The following PKHD1L1 variants were observed in gnomAD, a reference collection of about 807,000 sequenced individuals.
The protein encoded by PKHD1L1 is fibrocystin-L.
PKHD1L1 carries 434 observed loss-of-function variants against 462.9 expected under a neutral mutation model. The ratio of observed to expected loss-of-function variants is 0.94; its 90% CI spans 0.87 to 1.02. The LOEUF is 1.02. Ranked by LOEUF, PKHD1L1 falls within the 50% of genes least tolerant of loss-of-function variation. PKHD1L1 has a pLI of 0.00. For synonymous variants in PKHD1L1, 1,781 were observed against 1,750.0 expected, an observed-to-expected ratio of 1.02 and a Z score of -0.44; for missense variants, 5,202 against 5,096.1, an observed-to-expected ratio of 1.02 and a Z score of -0.63.
chr8:109,482,960 AAGT>A (rs750766261), intron 56 of PKHD1L1, 24 bp from the exon 57 acceptor site: 47 of 1,462,964 alleles, frequency 3.2e-5, no homozygotes, highest in Non-Finnish European at 4.1e-5. Flanking sequence ...TGGGGTGAAT[AAGT>A]AGGAGTGTGC....
intron 2 of PKHD1L1, among the ~76,000 whole-genome samples, chr8:109,376,786 G>A (rs1293612840): frequency 6.6e-6 from 1 of 152,198 alleles, no homozygotes; most frequent in Non-Finnish European, 1.5e-5. Flanking sequence ...CATTAAGATA[G>A]ATTATGGCCA....
intron 29 of PKHD1L1, 120 bp from the exon 30 acceptor site, chr8:109,436,218 G>A: frequency 9.7e-7 from 1 of 1,035,912 alleles, no homozygotes; most frequent in East Asian, 2.5e-5. Flanking sequence ...CTATTGGCCA[G>A]TACATCTCTT....
intron 48 of PKHD1L1, among the ~76,000 whole-genome samples, chr8:109,463,138 G>A (rs1019882218): frequency 6.6e-6 from 1 of 152,026 alleles, no homozygotes; most frequent in African/African-American, 2.4e-5. Context: ...GCATATAGTA[G>A]ATTCTCAGTT....
At chr8:109,376,991 A>G (rs536465132) in intron 2 of PKHD1L1, among the ~76,000 whole-genome samples, 1 of 152,328 alleles carries the variant, frequency 6.6e-6, no homozygotes, top group African/African-American at 2.4e-5. Context: ...TCTGATGAAC[A>G]TCAGGCACAA....
rs1470870818 is a variant in PKHD1L1, at chr8:109,536,251, T to C, written c.*6161T>C. 6.6e-6 allele frequency among the ~76,000 whole-genome samples: 1 copy of C among 152,234 alleles called. No individual in the cohort carries two copies. The highest frequency in any genetic ancestry group is 1.5e-5 in the Non-Finnish European group (1 of 68,040). On this transcript the variant is annotated 3_prime_UTR_variant, in exon 78 of 78. Transcript: ENST00000378402. Reference sequence around the variant, plus strand: ...ACACATTTCCACATATGGTATGATATTTAATTTGCAAAATAAATCCGTAAA... The same window carrying C: ...ACACATTTCCACATATGGTATGATACTTAATTTGCAAAATAAATCCGTAAA...
intron 2 of PKHD1L1, among the ~76,000 whole-genome samples, chr8:109,374,010 C>G (rs1282643475): frequency 6.6e-6 from 1 of 152,098 alleles, no homozygotes; most frequent in Non-Finnish European, 1.5e-5. Flanking sequence ...CTGTAGATGT[C>G]TATTAGGTCC....
At chr8:109,516,195 G>T (rs1409089652) in intron 72 of PKHD1L1, among the ~76,000 whole-genome samples, 1 of 152,044 alleles carries the variant, frequency 6.6e-6, no homozygotes, top group African/African-American at 2.4e-5. Flanking sequence ...TGAGACACAG[G>T]AAGTAATTTG....
intron 22 of PKHD1L1, 121 bp downstream of exon 22, chr8:109,419,381 CTT>C (rs1021829314): frequency 1.3e-5 from 9 of 672,282 alleles, no homozygotes; most frequent in Admixed American, 1.3e-4. Flanking sequence ...ATGAGTCACT[CTT>C]TTATCTGAAT....
intron 2 of PKHD1L1, among the ~76,000 whole-genome samples, chr8:109,371,904 T>C (rs1436854926): frequency 6.6e-6 from 1 of 152,168 alleles, no homozygotes; most frequent in Non-Finnish European, 1.5e-5. Context: ...TTGGTTACTG[T>C]AGCCTTGTAG....
intron 38 of PKHD1L1, among the ~76,000 whole-genome samples, chr8:109,447,428 A>G (rs1230056469): frequency 1.3e-5 from 2 of 152,200 alleles, no homozygotes. Context: ...TATGTTGACG[A>G]ATTTTCATTT....
intron 19 of PKHD1L1, among the ~76,000 whole-genome samples, chr8:109,411,111 A>G (rs1157674690): frequency 6.6e-6 from 1 of 152,024 alleles, no homozygotes. Flanking sequence ...GTGGGGCATT[A>G]TATGTTTTTA....
At chr8:109,375,619 C>T (rs555473747) in intron 2 of PKHD1L1, among the ~76,000 whole-genome samples, 59 of 152,184 alleles carry the variant, frequency 3.9e-4, no homozygotes, top group Admixed American at 1.8e-3. Flanking sequence ...GTTTTTTCCC[C>T]ATCTTTGTGG....
intron 9 of PKHD1L1, 58 bp from the exon 10 acceptor site, chr8:109,394,357 A>G (rs1563733191): frequency 8.6e-7 from 1 of 1,167,772 alleles, no homozygotes; most frequent in Non-Finnish European, 1.2e-6. Context: ...CTGAAGTTAA[A>G]AAAATGTTCC....
At position 109,438,947 on chromosome 8, in the gene PKHD1L1, C is replaced by A; in HGVS notation, c.3811C>A (p.Gln1271Lys). ...CTATAATTTTGGAAATGAACTCACA[C>A]AAAACATGGCGGTGTATGTTGGAGG... ...KGYNFGNELT[Q>K]NMAVYVGGKT... The change falls in exon 32 of 78, where the codon CAA becomes AAA. Residue 1271 changes from glutamine (Q) to lysine (K), a missense_variant. This residue lies in a region of PKHD1L1 where 4,497 missense variants were observed against 4,336.8 expected (regional missense o/e 1.04). Coordinates refer to ENST00000378402, the MANE Select transcript of PKHD1L1 (RefSeq NM_177531.6). 6.2e-7 allele frequency: 1 copy of A among 1,613,026 alleles called. No individual in the cohort carries two copies. Among genetic ancestry groups the A allele is most frequent in the Non-Finnish European group, 8.5e-7 (1 of 1,179,402 alleles).
At chr8:109,482,823 C>T (rs1019882557) in intron 56 of PKHD1L1, among the ~76,000 whole-genome samples, 164 bp from the exon 57 acceptor site, 1 of 151,608 alleles carries the variant, frequency 6.6e-6, no homozygotes, top group African/African-American at 2.4e-5. Context: ...GGTTAAAGGG[C>T]CACGTCTTCT....
At position 109,488,048 on chromosome 8, in the gene PKHD1L1, C is replaced by T. The variant is rs111478731; in HGVS notation, c.9880+1227C>T. 5.2e-3 allele frequency among the ~76,000 whole-genome samples: 792 copies of T among 151,840 alleles called. 7 individuals are homozygous for T. Among genetic ancestry groups the T allele is most frequent in the South Asian group, 0.034 (164 of 4,812 alleles). ...GTTTCTCTTCTTACAATGTTAATAG[C>T]TACTAATTAACATTGCCTAGATTCA... On this transcript the variant is annotated intron_variant, in intron 59 of 77. Coordinates refer to ENST00000378402, the MANE Select transcript of PKHD1L1 (RefSeq NM_177531.6).
intron 67 of PKHD1L1, chr8:109,498,988 T>C: frequency 5.9e-6 from 3 of 510,190 alleles, no homozygotes; most frequent in Non-Finnish European, 1.0e-5. Flanking sequence ...TGTTAAATTT[T>C]CCTTCTAAAA....
At chr8:109,427,746 C>T (rs1814843939) in intron 25 of PKHD1L1, among the ~76,000 whole-genome samples, 1 of 152,016 alleles carries the variant, frequency 6.6e-6, no homozygotes, top group African/African-American at 2.4e-5. Flanking sequence ...ATGCTTTCAG[C>T]CAGGCACAGT....
At chr8:109,390,525 A>G in intron 9 of PKHD1L1, 31 bp downstream of exon 9, 1 of 1,240,526 alleles carries the variant, frequency 8.1e-7, no homozygotes, top group Non-Finnish European at 1.1e-6. Flanking sequence ...TAACTTTTAT[A>G]ATTGATTCAA....
Sources: gnomAD v4.1 joint callset for allele counts (sites outside exome capture counted in the v4.1 genomes callset) on GRCh38, gnomAD v4.1.1 for gene constraint, gnomAD v4.1.1 regional missense constraint, MANE v1.5 for transcripts, NCBI Gene and HGNC (gene_info 2026-07-23, HGNC 2026-07-21) for gene names.